TENM4: variants seen among roughly 807,000 people sequenced by gnomAD.
The protein encoded by TENM4 is teneurin-4.
Under a neutral mutation model 243.3 loss-of-function variants are expected in TENM4, and 82 were observed. The ratio of observed to expected loss-of-function variants is 0.34; its 90% CI spans 0.28 to 0.40. TENM4 has a LOEUF of 0.40. TENM4 is among the 10% of genes least tolerant of loss of function. The probability of loss-of-function intolerance (pLI) is 1.00; values close to 1 mark genes in which losing one functional copy is unlikely to be tolerated. For missense variants in TENM4, 3,138 were observed against 3,673.3 expected (o/e 0.85, Z 3.77); for synonymous variants, 1,412 against 1,456.3 (o/e 0.97, Z 0.69).
intron 6 of TENM4, among the ~76,000 whole-genome samples, chr11:78,906,069 C>T (rs1413434845): frequency 6.6e-6 from 1 of 152,212 alleles, no homozygotes; most frequent in Non-Finnish European, 1.5e-5. Flanking sequence ...AAGAGGCCAG[C>T]AGAGAAGTGT....
At chr11:78,952,841 T>C (rs1026026436) in intron 6 of TENM4, among the ~76,000 whole-genome samples, 51 of 151,986 alleles carry the variant, frequency 3.4e-4, no homozygotes, top group African/African-American at 1.2e-3. Context: ...GGCAACTGGG[T>C]AAGAGAGGTA....
chr11:78,750,020 G>A (rs17137097), intron 19 of TENM4, among the ~76,000 whole-genome samples: 3,621 of 152,178 alleles, frequency 0.024, 154 homozygotes, highest in African/African-American at 0.083. Flanking sequence ...GACCTTTGAT[G>A]TGGAAAATAA....
At chr11:79,197,557 C>G (rs1863656371) in intron 3 of TENM4, among the ~76,000 whole-genome samples, 3 of 152,296 alleles carry the variant, frequency 2.0e-5, no homozygotes, top group South Asian at 4.2e-4. Flanking sequence ...ACACTCTCCC[C>G]ACACATCAAC....
intron 16 of TENM4, among the ~76,000 whole-genome samples, chr11:78,785,437 A>T (rs890434573): frequency 6.6e-6 from 1 of 152,176 alleles, no homozygotes; most frequent in Non-Finnish European, 1.5e-5. Context: ...CCTCAGTGGA[A>T]AACCAGGACT....
At chr11:78,863,279 C>T in intron 9 of TENM4, 147 bp from the exon 10 acceptor site, 2 of 914,570 alleles carry the variant, frequency 2.2e-6, no homozygotes, top group South Asian at 4.9e-5. Context: ...TCTTGTAGTG[C>T]CAGCCCTGCA....
chr11:78,909,589 C>T (rs1856138167), intron 6 of TENM4, among the ~76,000 whole-genome samples: 1 of 152,210 alleles, frequency 6.6e-6, no homozygotes, highest in African/African-American at 2.4e-5. Context: ...AAGTGTCGAC[C>T]ACAATAATTC....
intron 4 of TENM4, among the ~76,000 whole-genome samples, chr11:79,113,392 G>GGTGTGTGTGT (rs113144339): frequency 0.032 from 4,626 of 145,104 alleles, 100 homozygotes; most frequent in East Asian, 0.095. Flanking sequence ...CTATTGGATT[G>GGTGTGTGTGT]GTGTGTGTGT....
chr11:79,048,855 C>T (rs1859727185), intron 6 of TENM4, among the ~76,000 whole-genome samples: 1 of 152,138 alleles, frequency 6.6e-6, no homozygotes, highest in Non-Finnish European at 1.5e-5. Context: ...TGGGCAGGGG[C>T]CATTCTGGTG....
At chr11:79,273,897 A>C (rs985408879) in intron 2 of TENM4, among the ~76,000 whole-genome samples, 3 of 152,224 alleles carry the variant, frequency 2.0e-5, no homozygotes, top group Non-Finnish European at 2.9e-5. Context: ...CTGAGGGAGA[A>C]TCAGAGCCTG....
At chr11:79,019,353 G>A (rs1858862765) in intron 6 of TENM4, among the ~76,000 whole-genome samples, 1 of 152,100 alleles carries the variant, frequency 6.6e-6, no homozygotes, top group Admixed American at 6.6e-5. Context: ...TGGGAATGGG[G>A]GAAGGAAAAA....
At position 78,683,320 on chromosome 11, in the gene TENM4, G is replaced by A. The variant is rs28850134; in HGVS notation, c.5260+4734C>T. Among the ~76,000 whole-genome samples the A allele has an allele frequency of 1.3e-4, 8 of 63,928 alleles. 2 individuals are homozygous for A. The highest frequency in any genetic ancestry group is 7.1e-4 in the South Asian group (2 of 2,812). 41.9% of individuals were successfully genotyped at this position (63,928 alleles called of 152,430 possible). On this transcript the variant is annotated intron_variant, in intron 29 of 33. Transcript: ENST00000278550. ...GTGGGCTCCACCCAGTTCGAGCTTCGCGGCTGCTTTGTTTACCTAAGCGAG... is the reference window on the plus strand; with the variant it reads ...GTGGGCTCCACCCAGTTCGAGCTTCACGGCTGCTTTGTTTACCTAAGCGAG...
chr11:78,862,909 A>C, intron 10 of TENM4, 53 bp downstream of exon 10: 1 of 1,335,504 alleles, frequency 7.5e-7, no homozygotes, highest in African/African-American at 1.5e-5. Flanking sequence ...AGGGCTCTTC[A>C]GCTCAGAGGC....
In TENM4 at chr11:78,729,476, G is replaced by C. The variant is rs1272438251; in HGVS notation, c.3306C>G (p.Phe1102Leu). 6.2e-7 allele frequency: 1 copy of C among 1,612,908 alleles called. No individual in the cohort carries two copies. Among genetic ancestry groups the C allele is most frequent in the Admixed American group, 1.7e-5 (1 of 59,836 alleles). The stretch of plus-strand genomic sequence containing the variant: ...CTGGGGCTGCAGCGAACCACTTCCT[G>C]AAGAGGCGGCCCTCCACCGCTACCA... ...HLMVAVEGRL[F>L]RKWFAAAPDL... Residue 1102 changes from phenylalanine (F) to leucine (L), a missense_variant, in exon 22 of 34, where the codon TTC becomes TTG. Physicochemically the swap from Phe to Leu is conservative, Grantham distance 22. Around this residue, in one of 2 missense-constraint regions of TENM4, gnomAD observed 2,467 missense variants for 3,059.1 expected, o/e 0.81. Coordinates refer to ENST00000278550, the MANE Select transcript of TENM4 (RefSeq NM_001098816.3).
intron 6 of TENM4, among the ~76,000 whole-genome samples, chr11:78,917,459 A>G (rs1187435642): frequency 2.0e-5 from 3 of 152,374 alleles, no homozygotes; most frequent in East Asian, 3.9e-4. Context: ...GATGCTTTTC[A>G]TCATTTACGA....
chr11:79,400,260 C>T lies in TENM4; in HGVS notation c.-321+40249G>A, dbSNP rs114893300. 1.6e-3 allele frequency among the ~76,000 whole-genome samples: 246 copies of T among 152,092 alleles called. 1 individual carries two copies. Among genetic ancestry groups the T allele is most frequent in the African/African-American group, 5.8e-3 (239 of 41,470 alleles). ...CAATGGTTAAATTTGCAGCCTGGAGCCAGAATCCAGTCACTGCAACTTTCT... is the reference window on the plus strand; with the variant it reads ...CAATGGTTAAATTTGCAGCCTGGAGTCAGAATCCAGTCACTGCAACTTTCT... On this transcript the variant is annotated intron_variant, in intron 1 of 33. Transcript: ENST00000278550.
intron 27 of TENM4, among the ~76,000 whole-genome samples, chr11:78,703,430 C>T (rs929450740): frequency 2.0e-5 from 3 of 152,194 alleles, no homozygotes; most frequent in Non-Finnish European, 4.4e-5. Flanking sequence ...GAAAGGATTA[C>T]TGAAGCTGGT....
In TENM4 at chr11:78,657,249, G is replaced by A. The variant is rs564180561; in HGVS notation, c.*809C>T. The A allele has an allele frequency of 5.5e-5, 22 of 398,482 alleles. No homozygotes were observed. Among genetic ancestry groups the A allele is most frequent in the Non-Finnish European group, 8.0e-5 (18 of 226,156 alleles). 24.7% of individuals were successfully genotyped at this position (398,482 alleles called of 1,614,324 possible). A position where few individuals can be genotyped will look rare whatever the true frequency, so the allele number is the denominator to read the frequency against. ...AGGCATCCTGGGTGCTTTCCCTCCC[G>A]GGAGGATGGGACTCTGAGCCCAGGA... On this transcript the variant is annotated 3_prime_UTR_variant, in exon 34 of 34. Transcript: ENST00000278550.
At chr11:79,016,614 G>A (rs1196516647) in intron 6 of TENM4, among the ~76,000 whole-genome samples, 2 of 152,172 alleles carry the variant, frequency 1.3e-5, no homozygotes, top group Non-Finnish European at 2.9e-5. Context: ...GATATTTAAA[G>A]CATGGAAACG....
At chr11:79,117,682 T>C (rs1393401620) in intron 4 of TENM4, among the ~76,000 whole-genome samples, 2 of 152,202 alleles carry the variant, frequency 1.3e-5, no homozygotes, top group Non-Finnish European at 2.9e-5. Context: ...TCCACAACCA[T>C]CTGTAGGCAA....
Sources: allele counts gnomAD v4.1 joint callset (sites outside exome capture counted in the v4.1 genomes callset), GRCh38; gene constraint gnomAD v4.1.1; regional missense constraint gnomAD v4.1.1; transcripts MANE v1.5; gene names NCBI Gene and HGNC (gene_info 2026-07-23, HGNC 2026-07-21).